GPR83: variants seen among roughly 807,000 people sequenced by gnomAD.
GPR83 encodes G-protein coupled receptor 72.
In GPR83, 23 loss-of-function variants were observed where a neutral mutation model predicts 28.0. That is an observed-to-expected ratio of 0.82 (90% CI 0.59 to 1.16). The LOEUF (loss-of-function observed/expected upper bound fraction) is 1.16. GPR83 is among the 50% of genes most tolerant of loss of function. The probability of loss-of-function intolerance (pLI) is 0.00; values close to 1 mark genes in which losing one functional copy is unlikely to be tolerated. For synonymous variants in GPR83, 234 were observed against 215.4 expected (o/e 1.09, Z -0.76); for missense variants, 610 against 536.6 (o/e 1.14, Z -1.35).
Position 94,401,016 on chromosome 11 carries a change from AAGC to A in GPR83, c.229_231del (p.Ala77del), listed in dbSNP as rs767914493. 1.2e-6 allele frequency: 2 copies of A among 1,614,058 alleles called. No homozygotes were observed. Among genetic ancestry groups the A allele is most frequent in the African/African-American group, 1.3e-5 (1 of 74,944 alleles). ...AGTGAGAAGACAATGATGAAGGAGT[AAGC>A]CACAATGAGCAGGGCTTTCACCGTG... On this transcript the variant is annotated inframe_deletion, in exon 1 of 4. Coordinates refer to ENST00000243673, the MANE Select transcript of GPR83 (RefSeq NM_016540.4).
chr11:94,392,504 C>T (rs1389683370), intron 3 of GPR83, among the ~76,000 whole-genome samples: 2 of 151,920 alleles, frequency 1.3e-5, no homozygotes, highest in Non-Finnish European at 2.9e-5. Flanking sequence ...CAGTGACCAC[C>T]ACCACCACCA....
intron 3 of GPR83, among the ~76,000 whole-genome samples, chr11:94,388,301 C>T (rs1321840754): frequency 5.9e-5 from 9 of 152,062 alleles, no homozygotes; most frequent in Non-Finnish European, 7.4e-5. Flanking sequence ...CTATTCAACA[C>T]AGTGTTGGAA....
chr11:94,393,951 G>A (rs958878430), intron 2 of GPR83, among the ~76,000 whole-genome samples: 23 of 152,110 alleles, frequency 1.5e-4, no homozygotes, highest in African/African-American at 5.6e-4. Context: ...CTGGGGGAGA[G>A]GAGTCCCAGC....
At chr11:94,385,523 A>G (rs528816767) in intron 3 of GPR83, among the ~76,000 whole-genome samples, 2 of 152,342 alleles carry the variant, frequency 1.3e-5, no homozygotes, top group African/African-American at 4.8e-5. Flanking sequence ...GGAGCTGAAA[A>G]CCATGGCACA....
At chr11:94,398,603 G>A (rs1019283766) in intron 1 of GPR83, among the ~76,000 whole-genome samples, 2 of 152,128 alleles carry the variant, frequency 1.3e-5, no homozygotes, top group Non-Finnish European at 2.9e-5. Context: ...TACGTTCTCT[G>A]TGCATCTATC....
In GPR83 at chr11:94,379,876, G is replaced by A. The variant is rs191224757; in HGVS notation, c.*273C>T. Reference sequence around the variant, plus strand: ...TGATTCAGCCCCCATCTGGGCCAACGTTGTCCTCGCTCCTCTTCCTCAGAG... The same window carrying A: ...TGATTCAGCCCCCATCTGGGCCAACATTGTCCTCGCTCCTCTTCCTCAGAG... On this transcript the variant is annotated 3_prime_UTR_variant, in exon 4 of 4. Transcript: ENST00000243673. The A allele has an allele frequency of 2.1e-5, 6 of 290,696 alleles. No individual in the cohort carries two copies. The East Asian group carries it at 2.3e-4, about 11-fold the overall frequency. The allele number at this position is 290,696 out of a possible 1,614,324, so 18.0% of individuals were successfully genotyped here. A position where few individuals can be genotyped will look rare whatever the true frequency, so the allele number is the denominator to read the frequency against.
chr11:94,390,829 C>T (rs1333788495), intron 3 of GPR83, among the ~76,000 whole-genome samples: 1 of 152,114 alleles, frequency 6.6e-6, no homozygotes, highest in Non-Finnish European at 1.5e-5. Flanking sequence ...ACAGAAGACA[C>T]AAACAAATGG....
At chr11:94,385,597 A>G (rs1448554825) in intron 3 of GPR83, among the ~76,000 whole-genome samples, 2 of 152,374 alleles carry the variant, frequency 1.3e-5, no homozygotes, top group East Asian at 3.9e-4. Flanking sequence ...AAAGGGTATC[A>G]GTGATGGAAG....
chr11:94,388,858 A>G (rs1227204960), intron 3 of GPR83, among the ~76,000 whole-genome samples: 2 of 152,186 alleles, frequency 1.3e-5, no homozygotes, highest in African/African-American at 4.8e-5. Context: ...AAGAGCCCAC[A>G]TTGCCAAGTC....
chr11:94,386,109 G>A (rs1944752211), intron 3 of GPR83, among the ~76,000 whole-genome samples: 1 of 152,148 alleles, frequency 6.6e-6, no homozygotes, highest in African/African-American at 2.4e-5. Context: ...AGCTTCATAA[G>A]TGAAGGAGAA....
At chr11:94,387,188 G>A (rs998372558) in intron 3 of GPR83, among the ~76,000 whole-genome samples, 14 of 152,246 alleles carry the variant, frequency 9.2e-5, no homozygotes, top group African/African-American at 3.4e-4. Context: ...GTGTGTAGGG[G>A]GAAATTTATA....
chr11:94,392,301 C>T (rs1163890354), intron 3 of GPR83, among the ~76,000 whole-genome samples: 3 of 151,858 alleles, frequency 2.0e-5, no homozygotes, highest in Non-Finnish European at 4.4e-5. Context: ...GGGAGGGAAA[C>T]ATCACACACT....
At chr11:94,381,164 G>A (rs958465774) in intron 3 of GPR83, among the ~76,000 whole-genome samples, 1 of 152,086 alleles carries the variant, frequency 6.6e-6, no homozygotes, top group Non-Finnish European at 1.5e-5. Flanking sequence ...GAAAACTAAG[G>A]CATAAAGAAA....
Position 94,396,435 on chromosome 11 carries a change from T to G in GPR83, c.477A>C (p.Ala159=). ...FAQYCSLHVS[A]LTLTAIAVDR... ...CCACCGCAATGGCTGTCAGTGTCAG[T>G]GCTGAGACGTGCAGTGAGCAGTACT... Residue 159 remains alanine (A), a synonymous_variant, in exon 2 of 4, where the codon GCA becomes GCC. Coordinates refer to ENST00000243673, the MANE Select transcript of GPR83 (RefSeq NM_016540.4). 2 of 1,614,040 alleles carry G rather than the reference T, an allele frequency of 1.2e-6. No homozygotes were observed. Among genetic ancestry groups the G allele is most frequent in the Non-Finnish European group, 1.7e-6 (2 of 1,179,952 alleles).
At chr11:94,388,854 C>A (rs1944785426) in intron 3 of GPR83, among the ~76,000 whole-genome samples, 2 of 152,098 alleles carry the variant, frequency 1.3e-5, no homozygotes, top group African/African-American at 4.8e-5. Flanking sequence ...AAAAAAGAGC[C>A]CACATTGCCA....
chr11:94,388,650 A>G (rs1054983643), intron 3 of GPR83, among the ~76,000 whole-genome samples: 5 of 152,186 alleles, frequency 3.3e-5, no homozygotes, highest in Admixed American at 6.6e-5. Context: ...AGAACTACAA[A>G]CCACTGCTCA....
rs1331676684 is a variant in GPR83 at position 94,401,281 on chromosome 11, G to C, written c.-34C>G. 1 of 1,544,702 alleles carries C rather than the reference G, an allele frequency of 6.5e-7. No homozygotes were observed. Among genetic ancestry groups the C allele is most frequent in the Non-Finnish European group, 8.7e-7 (1 of 1,152,330 alleles). On this transcript the variant is annotated 5_prime_UTR_variant, in exon 1 of 4. Coordinates refer to ENST00000243673, the MANE Select transcript of GPR83 (RefSeq NM_016540.4). ...AGCCACCCCTCCCCTGGGAGCCTGC[G>C]GGCCGGGCGTCCCCTCCCGCTGGGA...
intron 1 of GPR83, 104 bp downstream of exon 1, chr11:94,400,757 G>A: frequency 1.0e-6 from 1 of 962,608 alleles, no homozygotes; most frequent in Non-Finnish European, 1.6e-6. Context: ...AGAGAGAAGT[G>A]GGGACCCACA....
intron 3 of GPR83, among the ~76,000 whole-genome samples, chr11:94,385,183 C>A (rs1220087652): frequency 6.6e-6 from 1 of 152,172 alleles, no homozygotes; most frequent in Non-Finnish European, 1.5e-5. Flanking sequence ...ACATCCACAC[C>A]AAAACCCCAT....
Sources: allele counts gnomAD v4.1 joint callset (sites outside exome capture counted in the v4.1 genomes callset), GRCh38; gene constraint gnomAD v4.1.1; transcripts MANE v1.5; gene names NCBI Gene and HGNC (gene_info 2026-07-23, HGNC 2026-07-21).